The following SKI variants were observed in gnomAD, a reference collection of about 807,000 sequenced individuals.
SKI encodes SKI proto-oncogene.
In SKI, 23 loss-of-function variants were observed where a neutral mutation model predicts 59.3. That is an observed-to-expected ratio of 0.39 (90% confidence interval 0.28 to 0.55). SKI has a LOEUF of 0.55. SKI is among the 20% of genes least tolerant of loss of function. The pLI, the probability that SKI is intolerant of heterozygous loss-of-function variation, is 0.67. For missense variants in SKI, 1,017 were observed against 1,038.9 expected (o/e 0.98, Z 0.29); for synonymous variants, 673 against 488.6 (o/e 1.38, Z -4.98).
At chr1:2,233,139 G>A (rs1362348275) in intron 1 of SKI, among the ~76,000 whole-genome samples, 2 of 152,088 alleles carry the variant, frequency 1.3e-5, no homozygotes, top group Non-Finnish European at 2.9e-5. Flanking sequence ...CTGATAACAG[G>A]GTGGTGCCGT....
rs1013056924 is a variant in SKI, at chr1:2,230,975, A to ATG, written c.969+1248_969+1249dup. ...CTGCGGAGGGTGCATGTGTGTGTGC[A>ATG]TGTGTGTGTTTGTGTGTGCGCGCTT... On this transcript the variant is annotated intron_variant, in intron 1 of 6. Coordinates refer to ENST00000378536, the MANE Select transcript of SKI (RefSeq NM_003036.4). 2.0e-5 allele frequency among the ~76,000 whole-genome samples: 3 copies of ATG among 152,072 alleles called. No individual in the cohort carries two copies. The South Asian group carries it at 6.2e-4, about 32-fold the overall frequency.
chr1:2,257,668 T>C (rs1639301914), intron 1 of SKI, among the ~76,000 whole-genome samples: 1 of 152,230 alleles, frequency 6.6e-6, no homozygotes, highest in Non-Finnish European at 1.5e-5. Flanking sequence ...TGCTTTTGAA[T>C]TATTATATCT....
chr1:2,229,311 C>G lies in SKI; in HGVS notation c.545C>G (p.Ala182Gly), dbSNP rs1239706602. ...PSCGLITKTD[A>G]ERLCNALLYG... ...TGCGGGCTCATCACCAAGACGGACGCCGAGCGCCTGTGCAACGCGCTGCTC... is the reference window on the plus strand; with the variant it reads ...TGCGGGCTCATCACCAAGACGGACGGCGAGCGCCTGTGCAACGCGCTGCTC... The change falls in exon 1 of 7, where the codon GCC becomes GGC. Residue 182 changes from alanine (A) to glycine (G), a missense_variant. By Grantham distance (60) the Ala-to-Gly change is moderately conservative (BLOSUM62 0). Coordinates refer to ENST00000378536, the MANE Select transcript of SKI (RefSeq NM_003036.4). This position sits in a 1 kb window ranked among gnomAD's most constrained non-coding sequence, Gnocchi z 6.3. 1.3e-6 allele frequency: 2 copies of G among 1,595,828 alleles called. No individual in the cohort carries two copies. The highest frequency in any genetic ancestry group is 1.1e-5 in the South Asian group (1 of 89,088).
At position 2,307,042 on chromosome 1, in the gene SKI, C is replaced by CAA. The variant is rs577047800; in HGVS notation, c.*278_*279insAA. ...TCCTCTGCTTGCTGGAACATTCTAA[C>CAA]ATTTACACTTTTGTTATAAGCTATT... On this transcript the variant is annotated 3_prime_UTR_variant, in exon 7 of 7. Transcript: ENST00000378536. 853 of 262,392 alleles carry CAA rather than the reference C, an allele frequency of 3.3e-3. 2 individuals carry two copies. Among genetic ancestry groups the CAA allele is most frequent in the Middle Eastern group, 0.017 (14 of 842 alleles). The allele number at this position is 262,392 out of a possible 1,614,324, so 16.3% of individuals were successfully genotyped here.
chr1:2,295,911 ATG>A (rs1463731283), intron 1 of SKI, among the ~76,000 whole-genome samples: 2 of 152,100 alleles, frequency 1.3e-5, no homozygotes, highest in Non-Finnish European at 2.9e-5. Context: ...TGTCGTGTGG[ATG>A]TGTGTTTTCA....
At chr1:2,274,964 G>A (rs185414749) in intron 1 of SKI, among the ~76,000 whole-genome samples, 2 of 152,334 alleles carry the variant, frequency 1.3e-5, no homozygotes, top group East Asian at 3.9e-4. Flanking sequence ...CTTGCTGTCT[G>A]TGCTGGTCTT....
At chr1:2,300,508 C>T (rs781147224) in intron 1 of SKI, among the ~76,000 whole-genome samples, 2 of 152,234 alleles carry the variant, frequency 1.3e-5, no homozygotes, top group Non-Finnish European at 2.9e-5. Flanking sequence ...CTGGGGCCCC[C>T]AGGGGCCTTG....
intron 5 of SKI, among the ~76,000 whole-genome samples, chr1:2,304,944 G>A (rs1640529580): frequency 1.3e-5 from 2 of 152,264 alleles, no homozygotes; most frequent in South Asian, 4.1e-4. Flanking sequence ...GGCAGAAAGA[G>A]TTGGGAGCAG....
intron 1 of SKI, among the ~76,000 whole-genome samples, chr1:2,245,767 C>T (rs1362767768): frequency 1.4e-5 from 2 of 147,670 alleles, no homozygotes; most frequent in South Asian, 2.1e-4. Flanking sequence ...TCAGCCACTG[C>T]ACCTGGCCCT....
rs1638565791 is a variant in SKI at position 2,228,955 on chromosome 1, GGTGCCCGCAGCCACCGAGCCGCCGCCC to G, written c.194_220del (p.Pro65_Val73del). 7.1e-7 allele frequency: 1 copy of G among 1,401,324 alleles called. No homozygotes were observed. Among genetic ancestry groups the G allele is most frequent in the Admixed American group, 3.1e-5 (1 of 31,850 alleles). 86.8% of individuals were successfully genotyped at this position (1,401,324 alleles called of 1,614,324 possible). A position where few individuals can be genotyped will look rare whatever the true frequency, so the allele number is the denominator to read the frequency against. The stretch of plus-strand genomic sequence containing the variant: ...CGGGCGCGGCCGCGGTGCCGGCGCC[GGTGCCCGCAGCCACCGAGCCGCCGCCC>G]GTGCTGCACCTGCCCGCCATCCAGC... On this transcript the variant is annotated inframe_deletion, in exon 1 of 7. Transcript: ENST00000378536.
chr1:2,272,748 T>G (rs1639652841), intron 1 of SKI, among the ~76,000 whole-genome samples: 1 of 152,206 alleles, frequency 6.6e-6, no homozygotes, highest in African/African-American at 2.4e-5. Flanking sequence ...AATAGCGTGT[T>G]GGAGTCTGGT....
intron 1 of SKI, among the ~76,000 whole-genome samples, chr1:2,247,479 G>C (rs1639024884): frequency 1.3e-5 from 2 of 152,174 alleles, no homozygotes; most frequent in Non-Finnish European, 2.9e-5. Context: ...CTTCGCTGAA[G>C]ATGATACTTG....
intron 1 of SKI, among the ~76,000 whole-genome samples, chr1:2,239,120 T>C (rs922303832): frequency 1.3e-5 from 2 of 152,244 alleles, no homozygotes; most frequent in African/African-American, 4.8e-5. Flanking sequence ...CCAAGTTGAA[T>C]GATATGCAAA....
Position 2,267,266 on chromosome 1 carries a change from C to T in SKI, c.970-35712C>T, listed in dbSNP as rs763240968. ...GCGACGATAGCAGTTGTGGGCCAGC[C>T]GTCAGGAAAGGGGGGACTAGCACGT... is the stretch of plus-strand genomic sequence containing the variant. On this transcript the variant is annotated intron_variant, in intron 1 of 6. Transcript: ENST00000378536. This position sits in a 1 kb window ranked among gnomAD's most constrained non-coding sequence, Gnocchi z 4.1. Among the ~76,000 whole-genome samples the T allele has an allele frequency of 6.6e-5, 10 of 152,134 alleles. No individual in the cohort carries two copies. The highest frequency in any genetic ancestry group is 1.3e-4 in the Non-Finnish European group (9 of 68,034).
chr1:2,230,181 C>A (rs1464152996), intron 1 of SKI, among the ~76,000 whole-genome samples: 1 of 152,236 alleles, frequency 6.6e-6, no homozygotes, highest in East Asian at 1.9e-4. Flanking sequence ...CGAAGGCACC[C>A]AGCCTCGAAG....
chr1:2,264,226 T>C (rs1217347605), intron 1 of SKI, among the ~76,000 whole-genome samples: 4 of 152,190 alleles, frequency 2.6e-5, no homozygotes, highest in Non-Finnish European at 4.4e-5. Flanking sequence ...TATAGAATTA[T>C]AGGTTGACTT....
chr1:2,280,589 G>C (rs936627843), intron 1 of SKI, among the ~76,000 whole-genome samples: 1 of 148,484 alleles, frequency 6.7e-6, no homozygotes, highest in African/African-American at 2.5e-5. Flanking sequence ...AGGCGGCGGC[G>C]GCGATCTTCA....
Position 2,303,765 on chromosome 1 carries a change from G to C in SKI, c.1212-75G>C. On this transcript the variant is annotated intron_variant, in intron 3 of 6. Transcript: ENST00000378536. The surrounding 1 kb of genome is among the most constrained non-coding windows in gnomAD (Gnocchi z 5.6). Reference sequence around the variant, plus strand: ...TCTTTCCTGTTTAACACCTTCAGAGGGGGTGTGCGCCAGGATGTGTCTGGG... The same window carrying C: ...TCTTTCCTGTTTAACACCTTCAGAGCGGGTGTGCGCCAGGATGTGTCTGGG... 6.4e-7 allele frequency: 1 copy of C among 1,561,072 alleles called. No homozygotes were observed. The highest frequency in any genetic ancestry group is 1.8e-5 in the Admixed American group (1 of 54,946).
At chr1:2,245,562 T>A (rs951745734) in intron 1 of SKI, among the ~76,000 whole-genome samples, 24 of 152,060 alleles carry the variant, frequency 1.6e-4, no homozygotes, top group Non-Finnish European at 2.9e-4. Flanking sequence ...AGCCTCCACC[T>A]CCTCCTGGGC....
Sources: gnomAD v4.1 joint callset for allele counts (sites outside exome capture counted in the v4.1 genomes callset) on GRCh38, gnomAD v4.1.1 for gene constraint, Gnocchi (gnomAD v3.1) non-coding constraint, MANE v1.5 for transcripts, NCBI Gene and HGNC (gene_info 2026-07-23, HGNC 2026-07-21) for gene names.